The following KCND2 variants were observed in gnomAD, a reference collection of about 807,000 sequenced individuals.
KCND2 encodes the protein potassium voltage-gated channel subfamily D member 2.
A neutral mutation model predicts 54.4 loss-of-function variants in KCND2; 16 were observed. The ratio of observed to expected loss-of-function variants is 0.29; its 90% CI spans 0.20 to 0.45. KCND2 has a LOEUF of 0.45. KCND2 is among the 20% of genes least tolerant of loss of function. The pLI is 1.00. For synonymous variants in KCND2, 317 were observed against 310.7 expected (o/e 1.02, Z -0.21); for missense variants, 486 against 824.2 (o/e 0.59, Z 5.02).
At chr7:120,450,190 A>T (rs1584783847) in intron 1 of KCND2, among the ~76,000 whole-genome samples, 1 of 152,144 alleles carries the variant, frequency 6.6e-6, no homozygotes, top group Admixed American at 6.5e-5. Flanking sequence ...AGGCGGGTGG[A>T]TCATGAGGTC....
chr7:120,721,086 TG>T (rs1792659974), intron 1 of KCND2, among the ~76,000 whole-genome samples: 1 of 152,216 alleles, frequency 6.6e-6, no homozygotes, highest in South Asian at 2.1e-4. Flanking sequence ...AAATGAAACC[TG>T]ATGGAAATAA....
At chr7:120,686,641 C>G (rs1349796950) in intron 1 of KCND2, among the ~76,000 whole-genome samples, 1 of 152,098 alleles carries the variant, frequency 6.6e-6, no homozygotes, top group Non-Finnish European at 1.5e-5. Context: ...CATGGTTTGA[C>G]CTTTGACTTG....
intron 1 of KCND2, among the ~76,000 whole-genome samples, chr7:120,433,624 T>C (rs1037903368): frequency 6.6e-6 from 1 of 152,180 alleles, no homozygotes; most frequent in Admixed American, 6.5e-5. Flanking sequence ...TTGCCTGGCA[T>C]GTAGTAAATG....
At chr7:120,571,348 A>G (rs1402060431) in intron 1 of KCND2, among the ~76,000 whole-genome samples, 2 of 152,194 alleles carry the variant, frequency 1.3e-5, no homozygotes, top group African/African-American at 2.4e-5. Flanking sequence ...ACCAAAATCC[A>G]AAAATTGTTA....
At chr7:120,399,842 C>T (rs937749584) in intron 1 of KCND2, among the ~76,000 whole-genome samples, 9 of 151,874 alleles carry the variant, frequency 5.9e-5, no homozygotes, top group Non-Finnish European at 1.2e-4. Flanking sequence ...TCTCCTGCCT[C>T]AGCCTCCTGA....
intron 1 of KCND2, among the ~76,000 whole-genome samples, chr7:120,333,376 T>C (rs1800095240): frequency 6.6e-6 from 1 of 152,078 alleles, no homozygotes; most frequent in Admixed American, 6.5e-5. Flanking sequence ...TCACCCAGGG[T>C]TAGTTTCTCT....
intron 1 of KCND2, among the ~76,000 whole-genome samples, chr7:120,658,948 T>A (rs193293034): frequency 6.6e-6 from 1 of 152,316 alleles, no homozygotes; most frequent in Admixed American, 6.5e-5. Flanking sequence ...CTAAACTTCC[T>A]TCAAACTTAA....
At position 120,279,498 on chromosome 7, in the gene KCND2, T is replaced by A. The variant is rs181054806; in HGVS notation, c.1115+3751T>A. Among the ~76,000 whole-genome samples the A allele has an allele frequency of 7.2e-5, 11 of 152,140 alleles. No homozygotes were observed. The East Asian group carries it at 2.1e-3, about 29-fold the overall frequency. On this transcript the variant is annotated intron_variant, in intron 1 of 5. Transcript: ENST00000331113. ...CTACATGGCATTTCTGTAAAGTTTA[T>A]GTTTAGAGATAAATTTTATTATTTT...
intron 1 of KCND2, among the ~76,000 whole-genome samples, chr7:120,415,614 A>G (rs1311212118): frequency 6.6e-6 from 1 of 152,018 alleles, no homozygotes; most frequent in Non-Finnish European, 1.5e-5. Flanking sequence ...GAATGTTGGG[A>G]TCTTCTAGGC....
chr7:120,384,482 C>T (rs1563028654), intron 1 of KCND2, among the ~76,000 whole-genome samples: 1 of 152,130 alleles, frequency 6.6e-6, no homozygotes, highest in Non-Finnish European at 1.5e-5. Context: ...ATCTTAAGCT[C>T]CTACCCCTGA....
At chr7:120,731,096 G>T (rs905433860) in intron 1 of KCND2, among the ~76,000 whole-genome samples, 35 of 152,214 alleles carry the variant, frequency 2.3e-4, no homozygotes, top group African/African-American at 8.4e-4. Context: ...CCCGCCCCAG[G>T]AGTGCACTCT....
intron 1 of KCND2, among the ~76,000 whole-genome samples, chr7:120,434,604 T>G (rs1446785678): frequency 6.6e-6 from 1 of 152,216 alleles, no homozygotes; most frequent in African/African-American, 2.4e-5. Flanking sequence ...CTCGCATGAA[T>G]TAAATTGCAG....
intron 1 of KCND2, among the ~76,000 whole-genome samples, chr7:120,692,720 C>T (rs780538717): frequency 6.6e-6 from 1 of 152,216 alleles, no homozygotes; most frequent in Admixed American, 6.5e-5. Flanking sequence ...ACGCTCACCT[C>T]GATGGGGACT....
chr7:120,573,184 G>T (rs1158002192), intron 1 of KCND2, among the ~76,000 whole-genome samples: 7 of 152,306 alleles, frequency 4.6e-5, no homozygotes, highest in Admixed American at 1.3e-4. Context: ...TTCCATAGCA[G>T]TTAAAGTTGC....
At chr7:120,573,635 A>G (rs1329719916) in intron 1 of KCND2, among the ~76,000 whole-genome samples, 2 of 152,216 alleles carry the variant, frequency 1.3e-5, no homozygotes, top group African/African-American at 4.8e-5. Flanking sequence ...TTCAGTTGGC[A>G]ATTGGAAGGA....
chr7:120,741,450 C>T, intron 2 of KCND2, 84 bp from the exon 3 acceptor site: 1 of 926,012 alleles, frequency 1.1e-6, no homozygotes, highest in Non-Finnish European at 1.8e-6. Context: ...TGTAGGCTGA[C>T]AATAGGATTA....
chr7:120,696,892 A>T (rs1313664323), intron 1 of KCND2, among the ~76,000 whole-genome samples: 2 of 152,216 alleles, frequency 1.3e-5, no homozygotes, highest in Admixed American at 1.3e-4. Context: ...CATTACAGCA[A>T]CACAAAATAG....
chr7:120,631,526 C>G (rs1012201791), intron 1 of KCND2, among the ~76,000 whole-genome samples: 1 of 152,014 alleles, frequency 6.6e-6, no homozygotes, highest in Non-Finnish European at 1.5e-5. Context: ...GAGAAATCAA[C>G]ATTGGGATTT....
chr7:120,628,288 A>G (rs1401166844), intron 1 of KCND2, among the ~76,000 whole-genome samples: 2 of 152,224 alleles, frequency 1.3e-5, no homozygotes, highest in South Asian at 4.1e-4. Context: ...GCAAAAATCT[A>G]AACTATAAAC....
Sources: gnomAD v4.1 joint callset for allele counts (sites outside exome capture counted in the v4.1 genomes callset) on GRCh38, gnomAD v4.1.1 for gene constraint, MANE v1.5 for transcripts, NCBI Gene and HGNC (gene_info 2026-07-23, HGNC 2026-07-21) for gene names.